Variants in EGR1 observed in about 807,000 individuals in gnomAD.
EGR1 encodes the protein early growth response protein 1.
In EGR1, 8 loss-of-function variants were observed where a neutral mutation model predicts 30.2. That is an observed-to-expected ratio of 0.26 (90% CI 0.16 to 0.48). The LOEUF (loss-of-function observed/expected upper bound fraction) is 0.48, where lower values mean the gene tolerates loss of function less well. EGR1 is among the 20% of genes least tolerant of loss of function. The pLI, the probability that EGR1 is intolerant of heterozygous loss-of-function variation, is 0.99. For synonymous variants in EGR1, 334 were observed against 312.8 expected (o/e 1.07, Z -0.72); for missense variants, 568 against 732.3 (o/e 0.78, Z 2.59).
chr5:138,465,663 T>G lies in EGR1; in HGVS notation c.-99T>G. On this transcript the variant is annotated 5_prime_UTR_variant, in exon 1 of 2. The change abolishes an upstream ATG in the 5' untranslated region. Transcript: ENST00000239938. Reference sequence around the variant, plus strand: ...TTCTCAGTGTTCCCCGCGCCCCGCATGTAACCCGGCCAGGCCCCCGCAACT... The same window carrying G: ...TTCTCAGTGTTCCCCGCGCCCCGCAGGTAACCCGGCCAGGCCCCCGCAACT... 2.2e-6 allele frequency: 3 copies of G among 1,345,294 alleles called. No homozygotes were observed. The highest frequency in any genetic ancestry group is 2.9e-6 in the Non-Finnish European group (3 of 1,025,404). The allele number at this position is 1,345,294 out of a possible 1,614,324, so 83.3% of individuals were successfully genotyped here.
intron 1 of EGR1, 68 bp from the exon 2 acceptor site, chr5:138,466,689 G>A (rs766832017): frequency 7.2e-6 from 11 of 1,533,426 alleles, no homozygotes; most frequent in African/African-American, 1.4e-5. Flanking sequence ...CTGGCAGCTC[G>A]GGTCGTCCTC....
At position 138,466,834 on chromosome 5, in the gene EGR1, C is replaced by T. The variant is rs1332106692; in HGVS notation, c.385C>T (p.Pro129Ser). Reference sequence around the variant, plus strand: ...TTACCCCAGCCAAACCACTCGACTGCCCCCCATCACCTATACTGGCCGCTT... The same window carrying T: ...TTACCCCAGCCAAACCACTCGACTGTCCCCCATCACCTATACTGGCCGCTT... ...TSYPSQTTRL[P>S]PITYTGRFSL... Residue 129 changes from proline (P) to serine (S), a missense_variant, in exon 2 of 2, where the codon CCC becomes TCC. By Grantham distance (74) the Pro-to-Ser change is moderately conservative (BLOSUM62 -1). This residue lies in a region of EGR1 where 415 missense variants were observed against 445.2 expected (regional missense o/e 0.93). Transcript: ENST00000239938. The T allele has an allele frequency of 1.2e-6, 2 of 1,613,934 alleles. No individual in the cohort carries two copies. Among genetic ancestry groups the T allele is most frequent in the African/African-American group, 1.3e-5 (1 of 74,860 alleles).
chr5:138,467,890 A>G lies in EGR1; in HGVS notation c.1441A>G (p.Thr481Ala). The change falls in exon 2 of 2, where the codon ACC (threonine) becomes GCC (alanine). Residue 481 changes from threonine (T) to alanine (A), a missense_variant. Transcript: ENST00000239938. This position sits in a 1 kb window ranked among gnomAD's most constrained non-coding sequence, Gnocchi z 8.3. The stretch of plus-strand genomic sequence containing the variant: ...CTCCTTCTCCTCTCCCGGCTCCTCG[A>G]CCTACCCATCCCCTGTGCACAGTGG... ...PTSFSSPGSS[T>A]YPSPVHSGFP... 1 of 1,613,190 alleles carries G rather than the reference A, an allele frequency of 6.2e-7. No homozygotes were observed. The highest frequency in any genetic ancestry group is 1.1e-5 in the South Asian group (1 of 91,018).
Position 138,467,348 on chromosome 5 carries a change from G to T in EGR1, c.899G>T (p.Gly300Val). The change falls in exon 2 of 2, where the codon GGC becomes GTC. Residue 300 changes from glycine to valine, a missense_variant. Gly to Val is a moderately radical substitution (Grantham distance 109, BLOSUM62 -3). Coordinates refer to ENST00000239938, the MANE Select transcript of EGR1 (RefSeq NM_001964.3). The surrounding 1 kb of genome is among the most constrained non-coding windows in gnomAD (Gnocchi z 8.3). Reference protein sequence around the residue: ...STIKAFATQSGSQDLKALNTS... With the variant: ...STIKAFATQSVSQDLKALNTS... ...ATTAAGGCCTTTGCCACTCAGTCGGGCTCCCAGGACCTGAAGGCCCTCAAT... is the reference window on the plus strand; with the variant it reads ...ATTAAGGCCTTTGCCACTCAGTCGGTCTCCCAGGACCTGAAGGCCCTCAAT... 3 of 1,614,060 alleles carry T rather than the reference G, an allele frequency of 1.9e-6. No individual in the cohort carries two copies. The highest frequency in any genetic ancestry group is 2.5e-6 in the Non-Finnish European group (3 of 1,180,020).
rs200636536 is a variant in EGR1, at chr5:138,468,051, C to A, written c.1602C>A (p.Thr534=). The change falls in exon 2 of 2, where the codon ACC becomes ACA. Residue 534 remains threonine (T), a synonymous_variant. Transcript: ENST00000239938. The part of the protein sequence containing the change: ...ASTGLSDMTA[T]FSPRTIEIC The stretch of plus-strand genomic sequence containing the variant: ...CAGGGCTTTCGGACATGACAGCAAC[C>A]TTTTCTCCCAGGACAATTGAAATTT... The A allele has an allele frequency of 5.7e-6, 9 of 1,585,776 alleles. No individual in the cohort carries two copies. Among genetic ancestry groups the A allele is most frequent in the East Asian group, 4.5e-5 (2 of 44,504 alleles).
At position 138,467,517 on chromosome 5, in the gene EGR1, C is replaced by A; in HGVS notation, c.1068C>A (p.Thr356=). ...DRRFSRSDEL[T]RHIRIHTGQK... Reference sequence around the variant, plus strand: ...GCTTCTCCCGCTCCGACGAGCTCACCCGCCACATCCGCATCCACACAGGCC... The same window carrying A: ...GCTTCTCCCGCTCCGACGAGCTCACACGCCACATCCGCATCCACACAGGCC... Residue 356 remains threonine (T), a synonymous_variant, in exon 2 of 2, where the codon ACC becomes ACA. Coordinates refer to ENST00000239938, the MANE Select transcript of EGR1 (RefSeq NM_001964.3). This position sits in a 1 kb window ranked among gnomAD's most constrained non-coding sequence, Gnocchi z 8.3. The A allele has an allele frequency of 1.9e-6, 3 of 1,613,478 alleles. No homozygotes were observed. Among genetic ancestry groups the A allele is most frequent in the Non-Finnish European group, 1.7e-6 (2 of 1,180,022 alleles).
rs761499887 is a variant in EGR1, at chr5:138,466,902, C to T, written c.453C>T (p.Pro151=). Residue 151 remains proline (P), a synonymous_variant, in exon 2 of 2, where the codon CCC becomes CCT. Coordinates refer to ENST00000239938, the MANE Select transcript of EGR1 (RefSeq NM_001964.3). ...CCAACAGTGGCAACACCTTGTGGCC[C>T]GAGCCCCTCTTCAGCTTGGTCAGTG... The part of the protein sequence containing the change: ...PAPNSGNTLW[P]EPLFSLVSGL... 3.7e-5 allele frequency: 59 copies of T among 1,613,900 alleles called. No homozygotes were observed. The highest frequency in any genetic ancestry group is 4.7e-5 in the Non-Finnish European group (55 of 1,180,012).
chr5:138,466,030 C>G lies in EGR1; in HGVS notation c.269C>G (p.Ala90Gly), dbSNP rs760828546. 6.2e-7 allele frequency: 1 copy of G among 1,600,818 alleles called. No individual in the cohort carries two copies. The highest frequency in any genetic ancestry group is 1.3e-5 in the African/African-American group (1 of 74,708). Residue 90 changes from alanine (A) to glycine (G), a missense_variant, in exon 1 of 2, where the codon GCG (alanine) becomes GGG (glycine). Physicochemically the swap from Ala to Gly is moderately conservative, Grantham distance 60. Coordinates refer to ENST00000239938, the MANE Select transcript of EGR1 (RefSeq NM_001964.3). Reference protein sequence around the residue: ...SSSSSTFNPQADTGEQPYEHL... With the variant: ...SSSSSTFNPQGDTGEQPYEHL... ...AGCAGCAGCACCTTCAACCCTCAGG[C>G]GGACACGGGCGAGCAGCCCTACGAG...
Position 138,468,160 on chromosome 5 carries a change from G to T in EGR1, c.*79G>T. The T allele has an allele frequency of 1.3e-6, 2 of 1,532,626 alleles. No individual in the cohort carries two copies. Among genetic ancestry groups the T allele is most frequent in the East Asian group, 2.3e-5 (1 of 44,098 alleles). 94.9% of individuals were successfully genotyped at this position (1,532,626 alleles called of 1,614,324 possible). Reference sequence around the variant, plus strand: ...AGGACAGGAGGAGGAGATGGCCATAGGAGAGGAGGGTTCCTCTTAGGTCAG... The same window carrying T: ...AGGACAGGAGGAGGAGATGGCCATATGAGAGGAGGGTTCCTCTTAGGTCAG... On this transcript the variant is annotated 3_prime_UTR_variant, in exon 2 of 2. Coordinates refer to ENST00000239938, the MANE Select transcript of EGR1 (RefSeq NM_001964.3).
Position 138,465,598 on chromosome 5 carries a change from C to A in EGR1, c.-164C>A. The A allele has an allele frequency of 1.4e-6, 1 of 699,982 alleles. No individual in the cohort carries two copies. The highest frequency in any genetic ancestry group is 2.0e-6 in the Non-Finnish European group (1 of 494,196). The allele number at this position is 699,982 out of a possible 1,614,324, so 43.4% of individuals were successfully genotyped here. A position where few individuals can be genotyped will look rare whatever the true frequency, so the allele number is the denominator to read the frequency against. ...TCCGCAGCCGCGGCGCGTCCACGCCCGCCCGCGCCCAGGGCGAGTCGGGGT... is the reference window on the plus strand; with the variant it reads ...TCCGCAGCCGCGGCGCGTCCACGCCAGCCCGCGCCCAGGGCGAGTCGGGGT... On this transcript the variant is annotated 5_prime_UTR_variant, in exon 1 of 2. Transcript: ENST00000239938.
chr5:138,467,030 T>C lies in EGR1; in HGVS notation c.581T>C (p.Val194Ala). ...CAGAGCCCACCCCTGAGCTGCGCAG[T>C]GCCATCCAACGACAGCAGTCCCATT... is the stretch of plus-strand genomic sequence containing the variant. ...ASQSPPLSCA[V>A]PSNDSSPIYS... Residue 194 changes from valine to alanine, a missense_variant, in exon 2 of 2, where the codon GTG becomes GCG. Transcript: ENST00000239938. This position sits in a 1 kb window ranked among gnomAD's most constrained non-coding sequence, Gnocchi z 8.3. 6.2e-7 allele frequency: 1 copy of C among 1,613,992 alleles called. No individual in the cohort carries two copies. The highest frequency in any genetic ancestry group is 8.5e-7 in the Non-Finnish European group (1 of 1,180,008).
rs1764175119 is a variant in EGR1, at chr5:138,467,576, A to C, written c.1127A>C (p.Asn376Thr). 6.2e-7 allele frequency: 1 copy of C among 1,613,842 alleles called. No homozygotes were observed. The highest frequency in any genetic ancestry group is 8.5e-7 in the Non-Finnish European group (1 of 1,180,008). ...KPFQCRICMR[N>T]FSRSDHLTTH... ...TTCCAGTGCCGCATCTGCATGCGCA[A>C]CTTCAGCCGCAGCGACCACCTCACC... The change falls in exon 2 of 2, where the codon AAC (asparagine) becomes ACC (threonine). Residue 376 changes from asparagine to threonine, a missense_variant. Coordinates refer to ENST00000239938, the MANE Select transcript of EGR1 (RefSeq NM_001964.3). The surrounding 1 kb of genome is among the most constrained non-coding windows in gnomAD (Gnocchi z 8.3).
In EGR1 at chr5:138,466,894, T is replaced by G; in HGVS notation, c.445T>G (p.Leu149Val). The G allele has an allele frequency of 6.2e-7, 1 of 1,613,996 alleles. No individual in the cohort carries two copies. The highest frequency in any genetic ancestry group is 1.3e-5 in the African/African-American group (1 of 74,968). Residue 149 changes from leucine (L) to valine (V), a missense_variant, in exon 2 of 2, where the codon TTG becomes GTG. This residue lies in a region of EGR1 where 415 missense variants were observed against 445.2 expected (regional missense o/e 0.93). Transcript: ENST00000239938. ...GCCTGCACCCAACAGTGGCAACACC[T>G]TGTGGCCCGAGCCCCTCTTCAGCTT... ...LEPAPNSGNTLWPEPLFSLVS... is the reference protein window; with the variant it reads ...LEPAPNSGNTVWPEPLFSLVS...
Position 138,466,749 on chromosome 5 carries a change from C to A in EGR1, c.308-8C>A. On this transcript the variant is annotated splice_polypyrimidine_tract_variant and splice_region_variant and intron_variant, in intron 1 of 1. Transcript: ENST00000239938. Reference sequence around the variant, plus strand: ...AACCAGGCCTCCCGCTTCTCTCTCTCCTGCCAGAGTCTTTTCCTGACATCT... The same window carrying A: ...AACCAGGCCTCCCGCTTCTCTCTCTACTGCCAGAGTCTTTTCCTGACATCT... 6.2e-7 allele frequency: 1 copy of A among 1,602,998 alleles called. No individual in the cohort carries two copies. The highest frequency in any genetic ancestry group is 8.5e-7 in the Non-Finnish European group (1 of 1,171,510).
In EGR1 at chr5:138,467,408, G is replaced by A. The variant is rs1191792029; in HGVS notation, c.959G>A (p.Arg320His). The A allele has an allele frequency of 1.9e-6, 3 of 1,614,128 alleles. No homozygotes were observed. The highest frequency in any genetic ancestry group is 2.5e-6 in the Non-Finnish European group (3 of 1,180,020). ...CAGTCCCAGCTCATCAAACCCAGCC[G>A]CATGCGCAAGTACCCCAACCGGCCC... ...SYQSQLIKPS[R>H]MRKYPNRPSK... Residue 320 changes from arginine (R) to histidine (H), a missense_variant, in exon 2 of 2, where the codon CGC becomes CAC. Around this residue, in one of 4 missense-constraint regions of EGR1, gnomAD observed 415 missense variants for 445.2 expected, o/e 0.93. Transcript: ENST00000239938. The surrounding 1 kb of genome is among the most constrained non-coding windows in gnomAD (Gnocchi z 8.3).
chr5:138,465,519 C>T lies in EGR1; in HGVS notation c.-243C>T. 1 of 268,256 alleles carries T rather than the reference C, an allele frequency of 3.7e-6. No individual in the cohort carries two copies. Among genetic ancestry groups the T allele is most frequent in the Non-Finnish European group, 6.8e-6 (1 of 146,250 alleles). 16.6% of individuals were successfully genotyped at this position (268,256 alleles called of 1,614,324 possible). ...GCAGAACTTGGGGAGCCGCCGCCGC[C>T]ATCCGCCGCCGCAGCCAGCTTCCGC... On this transcript the variant is annotated 5_prime_UTR_variant, in exon 1 of 2. Coordinates refer to ENST00000239938, the MANE Select transcript of EGR1 (RefSeq NM_001964.3).
Position 138,467,250 on chromosome 5 carries a change from C to T in EGR1, c.801C>T (p.Gly267=), listed in dbSNP as rs201835292. ...AGCAGCAGGGGGATCTGGGCCTGGG[C>T]ACCCCAGACCAGAAGCCCTTCCAGG... is the stretch of plus-strand genomic sequence containing the variant. ...FPQQQGDLGL[G]TPDQKPFQGL... The change falls in exon 2 of 2, where the codon GGC becomes GGT. Residue 267 remains glycine, a synonymous_variant. Coordinates refer to ENST00000239938, the MANE Select transcript of EGR1 (RefSeq NM_001964.3). The surrounding 1 kb of genome is among the most constrained non-coding windows in gnomAD (Gnocchi z 8.3). 3.7e-6 allele frequency: 6 copies of T among 1,613,794 alleles called. No individual in the cohort carries two copies. The South Asian group carries it at 6.6e-5, about 18-fold the overall frequency.
Position 138,466,929 on chromosome 5 carries a change from C to T in EGR1, c.480C>T (p.Gly160=). 6 of 1,613,982 alleles carry T rather than the reference C, an allele frequency of 3.7e-6. No homozygotes were observed. Among genetic ancestry groups the T allele is most frequent in the Admixed American group, 1.7e-5 (1 of 60,012 alleles). Reference sequence around the variant, plus strand: ...AGCCCCTCTTCAGCTTGGTCAGTGGCCTAGTGAGCATGACCAACCCACCGG... The same window carrying T: ...AGCCCCTCTTCAGCTTGGTCAGTGGTCTAGTGAGCATGACCAACCCACCGG... ...WPEPLFSLVS[G]LVSMTNPPAS... is the part of the protein sequence containing the mutation. Residue 160 remains glycine, a synonymous_variant, in exon 2 of 2, where the codon GGC becomes GGT. Transcript: ENST00000239938.
In EGR1 at chr5:138,466,028, G is replaced by T; in HGVS notation, c.267G>T (p.Gln89His). The T allele has an allele frequency of 6.2e-7, 1 of 1,601,538 alleles. No individual in the cohort carries two copies. Reference protein sequence around the residue: ...SSSSSSTFNPQADTGEQPYEH... With the variant: ...SSSSSSTFNPHADTGEQPYEH... ...GCAGCAGCAGCACCTTCAACCCTCA[G>T]GCGGACACGGGCGAGCAGCCCTACG... Residue 89 changes from glutamine to histidine, a missense_variant, in exon 1 of 2, where the codon CAG (glutamine) becomes CAT (histidine). By Grantham distance (24) the Gln-to-His change is conservative. Transcript: ENST00000239938.
Sources: gnomAD v4.1 joint callset for allele counts on GRCh38, gnomAD v4.1.1 for gene constraint, gnomAD v4.1.1 regional missense constraint, Gnocchi (gnomAD v3.1) non-coding constraint, MANE v1.5 for transcripts, NCBI Gene and HGNC (gene_info 2026-07-23, HGNC 2026-07-21) for gene names.